CERS6: variants seen among roughly 807,000 people sequenced by gnomAD.
CERS6 encodes the protein ceramide synthase 6.
CERS6 carries 26 observed loss-of-function variants against 56.8 expected under a neutral mutation model. That is an observed-to-expected ratio of 0.46 (90% confidence interval 0.34 to 0.63). The LOEUF (loss-of-function observed/expected upper bound fraction) is 0.63. Among genes scored for constraint, CERS6 ranks in the 30% least tolerant of loss-of-function variants. CERS6 has a pLI of 0.01. For missense variants in CERS6, 415 were observed against 467.5 expected, an observed-to-expected ratio of 0.89 and a Z score of 1.04; for synonymous variants, 164 against 173.3, an observed-to-expected ratio of 0.95 and a Z score of 0.42.
rs150180627 is a variant in CERS6 at position 168,513,916 on chromosome 2, A to G, written c.171-33680A>G. 5.3e-5 allele frequency among the ~76,000 whole-genome samples: 8 copies of G among 152,256 alleles called. No individual in the cohort carries two copies. The East Asian group carries it at 1.4e-3, about 26-fold the overall frequency. The stretch of plus-strand genomic sequence containing the variant: ...CTTCCAAATCTCACCACCTCCCCTC[A>G]GCTTTGCCTTCTCTTCGTCCCTATT... On this transcript the variant is annotated intron_variant, in intron 1 of 9. Coordinates refer to ENST00000305747, the MANE Select transcript of CERS6 (RefSeq NM_203463.3).
chr2:168,541,394 C>G (rs1429348639), intron 1 of CERS6, among the ~76,000 whole-genome samples: 1 of 152,122 alleles, frequency 6.6e-6, no homozygotes, highest in Non-Finnish European at 1.5e-5. Context: ...CTCCTTTTTC[C>G]CTGTGACTCT....
At chr2:168,608,020 A>G (rs544616721) in intron 3 of CERS6, among the ~76,000 whole-genome samples, 98 of 152,308 alleles carry the variant, frequency 6.4e-4, no homozygotes, top group African/African-American at 2.1e-3. Context: ...CAAACAGAGC[A>G]ACTGTGGACA....
intron 4 of CERS6, among the ~76,000 whole-genome samples, chr2:168,675,817 G>T (rs76636950): frequency 1.3e-5 from 2 of 151,976 alleles, no homozygotes; most frequent in East Asian, 3.9e-4. Context: ...CTCCCAAGTA[G>T]TAGGGAATAC....
intron 6 of CERS6, among the ~76,000 whole-genome samples, chr2:168,698,260 A>AAG (rs1686715546): frequency 9.1e-5 from 4 of 43,736 alleles, no homozygotes; most frequent in African/African-American, 8.8e-5. Flanking sequence ...AAAAAGAAAA[A>AAG]AAAAAAAAAA....
chr2:168,665,326 C>G (rs936781928), intron 4 of CERS6, among the ~76,000 whole-genome samples: 1 of 151,804 alleles, frequency 6.6e-6, no homozygotes, highest in Non-Finnish European at 1.5e-5. Context: ...AATTGAAATA[C>G]GGTGGGTATA....
chr2:168,682,936 A>G (rs1046470856), intron 4 of CERS6, among the ~76,000 whole-genome samples: 1 of 152,340 alleles, frequency 6.6e-6, no homozygotes, highest in African/African-American at 2.4e-5. Context: ...ACCCTGTATT[A>G]TTGAACAATC....
chr2:168,544,496 A>C (rs547532924), intron 1 of CERS6, among the ~76,000 whole-genome samples: 1 of 152,038 alleles, frequency 6.6e-6, no homozygotes, highest in Non-Finnish European at 1.5e-5. Context: ...TGGGGGCCCC[A>C]CACACAGGAG....
chr2:168,752,960 A>G (rs962068568), intron 8 of CERS6, among the ~76,000 whole-genome samples: 2 of 152,212 alleles, frequency 1.3e-5, no homozygotes, highest in African/African-American at 2.4e-5. Flanking sequence ...ACCAGAGAAG[A>G]ATGCATCTAT....
chr2:168,743,160 A>ATG (rs1017011933), intron 8 of CERS6, among the ~76,000 whole-genome samples: 3 of 151,214 alleles, frequency 2.0e-5, no homozygotes, highest in Admixed American at 6.6e-5. Flanking sequence ...ATATATATAT[A>ATG]TATGTATGTA....
intron 4 of CERS6, among the ~76,000 whole-genome samples, chr2:168,636,691 C>A (rs1684867191): frequency 6.6e-6 from 1 of 152,170 alleles, no homozygotes; most frequent in Admixed American, 6.5e-5. Context: ...AAAGGAAATT[C>A]TTCAGTGCTG....
intron 1 of CERS6, among the ~76,000 whole-genome samples, chr2:168,529,679 TC>T (rs1386319750): frequency 6.6e-6 from 1 of 152,208 alleles, no homozygotes; most frequent in Non-Finnish European, 1.5e-5. Flanking sequence ...ATTCATCTCT[TC>T]AGTTTTTAGT....
In CERS6 at chr2:168,772,625, A is replaced by C. The variant is rs796270196; in HGVS notation, c.*2963A>C. Reference sequence around the variant, plus strand: ...CAGTGAGCTAAATATGGCTAAGCACAGGTCATAAGAGCACCTAAGGCCAGC... The same window carrying C: ...CAGTGAGCTAAATATGGCTAAGCACCGGTCATAAGAGCACCTAAGGCCAGC... On this transcript the variant is annotated 3_prime_UTR_variant, in exon 10 of 10. Coordinates refer to ENST00000305747, the MANE Select transcript of CERS6 (RefSeq NM_203463.3). 1.3e-5 allele frequency: 2 copies of C among 152,642 alleles called. No homozygotes were observed. Among genetic ancestry groups the C allele is most frequent in the Non-Finnish European group, 2.9e-5 (2 of 68,036 alleles). The allele number at this position is 152,642 out of a possible 1,614,324, so 9.5% of individuals were successfully genotyped here.
At chr2:168,632,992 C>G (rs988437034) in intron 4 of CERS6, among the ~76,000 whole-genome samples, 14 of 152,110 alleles carry the variant, frequency 9.2e-5, no homozygotes, top group Non-Finnish European at 2.9e-5. Context: ...CACTCTGTCC[C>G]TAAACAAATG....
intron 8 of CERS6, among the ~76,000 whole-genome samples, chr2:168,757,102 C>T (rs975265014): frequency 2.6e-5 from 4 of 152,092 alleles, no homozygotes; most frequent in Admixed American, 2.6e-4. Context: ...CAGTGCTTAA[C>T]ACGTAGTAAT....
intron 4 of CERS6, among the ~76,000 whole-genome samples, chr2:168,652,762 C>G (rs982317152): frequency 2.0e-5 from 3 of 152,086 alleles, no homozygotes; most frequent in Non-Finnish European, 2.9e-5. Context: ...CCTTTCCCCA[C>G]TAAGGAGCTT....
intron 3 of CERS6, among the ~76,000 whole-genome samples, chr2:168,616,256 A>G (rs1684314529): frequency 1.3e-5 from 2 of 152,222 alleles, no homozygotes; most frequent in African/African-American, 2.4e-5. Context: ...AAACACATCA[A>G]AACAGAACCT....
chr2:168,695,465 G>A (rs1170490578), intron 6 of CERS6, among the ~76,000 whole-genome samples: 1 of 152,132 alleles, frequency 6.6e-6, no homozygotes, highest in African/African-American at 2.4e-5. Context: ...GTCAAAATAT[G>A]TCTCGGAAAT....
At chr2:168,560,074 CT>C (rs1695760437) in intron 2 of CERS6, among the ~76,000 whole-genome samples, 2 of 152,064 alleles carry the variant, frequency 1.3e-5, no homozygotes, top group Non-Finnish European at 1.5e-5. Flanking sequence ...ATGTATTGGA[CT>C]TACAGTTCCA....
intron 1 of CERS6, among the ~76,000 whole-genome samples, chr2:168,490,919 C>T (rs1344463156): frequency 6.6e-6 from 1 of 152,220 alleles, no homozygotes; most frequent in Admixed American, 6.5e-5. Flanking sequence ...GACACTTTGA[C>T]ATCGGGCTAA....
Sources: allele counts gnomAD v4.1 joint callset (sites outside exome capture counted in the v4.1 genomes callset), GRCh38; gene constraint gnomAD v4.1.1; transcripts MANE v1.5; gene names NCBI Gene and HGNC (gene_info 2026-07-23, HGNC 2026-07-21).